Variants in PAAF1 observed in about 807,000 individuals in gnomAD.
PAAF1 encodes proteasomal ATPase-associated factor 1.
In PAAF1, 46 loss-of-function variants were observed where a neutral mutation model predicts 52.8. The ratio of observed to expected loss-of-function variants is 0.87; its 90% CI spans 0.69 to 1.11. PAAF1 has a LOEUF of 1.11. PAAF1 is among the 50% of genes most tolerant of loss of function. PAAF1 has a pLI of 0.00. For missense variants in PAAF1, 424 were observed against 477.4 expected (o/e 0.89, Z 1.04); for synonymous variants, 178 against 172.8 (o/e 1.03, Z -0.24).
chr11:73,903,835 G>A (rs1440138733), intron 6 of PAAF1, among the ~76,000 whole-genome samples: 1 of 151,336 alleles, frequency 6.6e-6, no homozygotes, highest in African/African-American at 2.4e-5. Flanking sequence ...TGTAATCCCA[G>A]TACTTTGGGA....
At chr11:73,901,330 G>A (rs2135178407) in intron 6 of PAAF1, among the ~76,000 whole-genome samples, 1 of 152,120 alleles carries the variant, frequency 6.6e-6, no homozygotes, top group East Asian at 1.9e-4. Context: ...GAGTTTTGTG[G>A]GGAAAAAATA....
chr11:73,895,403 A>T (rs1262558681), intron 4 of PAAF1, among the ~76,000 whole-genome samples: 2 of 152,234 alleles, frequency 1.3e-5, no homozygotes, highest in Admixed American at 1.3e-4. Flanking sequence ...TACCACCTGT[A>T]TCAGGACAGA....
intron 6 of PAAF1, among the ~76,000 whole-genome samples, chr11:73,908,255 A>ATGTATATATGTGTATATATG (rs535428239): frequency 1.4e-5 from 2 of 147,164 alleles, no homozygotes; most frequent in Non-Finnish European, 3.0e-5. Context: ...GTGTATATAT[A>ATGTATATATGTGTATATATG]TGTATATATG....
chr11:73,922,775 C>T (rs1950255970), intron 10 of PAAF1, among the ~76,000 whole-genome samples: 1 of 149,736 alleles, frequency 6.7e-6, no homozygotes, highest in Non-Finnish European at 1.5e-5. Flanking sequence ...CGAGATCGCG[C>T]CACTGCACTC....
intron 2 of PAAF1, 98 bp downstream of exon 2, chr11:73,878,917 AT>A: frequency 8.7e-7 from 1 of 1,155,194 alleles, no homozygotes; most frequent in Non-Finnish European, 1.3e-6. Context: ...GCCTCCTTAC[AT>A]AATAGTCTGC....
chr11:73,891,232 G>A (rs1361566832), intron 4 of PAAF1, 31 bp downstream of exon 4: 1 of 1,232,568 alleles, frequency 8.1e-7, no homozygotes, highest in African/African-American at 1.5e-5. Context: ...AAGAGAAAAT[G>A]TAATAGCATG....
intron 11 of PAAF1, among the ~76,000 whole-genome samples, chr11:73,926,696 A>G (rs1670539): frequency 0.32 from 48,859 of 152,002 alleles, 9,940 homozygotes; most frequent in African/African-American, 0.59. Flanking sequence ...GCGACGGAGC[A>G]AGAGTCTGTC....
chr11:73,894,615 AAAACTT>A (rs760558984), intron 4 of PAAF1, among the ~76,000 whole-genome samples: 29 of 152,046 alleles, frequency 1.9e-4, no homozygotes, highest in Admixed American at 3.9e-4. Context: ...CGTGTACCCT[AAAACTT>A]AAAGTATAAT....
At chr11:73,893,906 A>G (rs1006648033) in intron 4 of PAAF1, among the ~76,000 whole-genome samples, 3 of 152,078 alleles carry the variant, frequency 2.0e-5, no homozygotes, top group African/African-American at 7.2e-5. Flanking sequence ...AAAAAAATTA[A>G]AAGTTAGCCA....
In PAAF1 at chr11:73,877,079, G is replaced by C; in HGVS notation, c.47+11G>C. On this transcript the variant is annotated intron_variant, in intron 1 of 11. Transcript: ENST00000310571. ...GGCGCAAGCCCTCAGGTGAATCCAG[G>C]CCCAGAACAGAGTCAGAGGAGGCGG... 6.5e-7 allele frequency: 1 copy of C among 1,528,916 alleles called. No homozygotes were observed. Among genetic ancestry groups the C allele is most frequent in the Non-Finnish European group, 8.8e-7 (1 of 1,135,006 alleles). The allele number at this position is 1,528,916 out of a possible 1,614,324, so 94.7% of individuals were successfully genotyped here.
At chr11:73,881,084 C>A (rs1323563955) in intron 2 of PAAF1, among the ~76,000 whole-genome samples, 2 of 152,106 alleles carry the variant, frequency 1.3e-5, no homozygotes, top group Non-Finnish European at 2.9e-5. Context: ...CATTAAAATT[C>A]ACCTTCTCTT....
chr11:73,900,874 T>C (rs1026938578), intron 6 of PAAF1, among the ~76,000 whole-genome samples: 1 of 148,778 alleles, frequency 6.7e-6, no homozygotes, highest in Non-Finnish European at 1.5e-5. Context: ...CCCAGCTACT[T>C]GGGAGGCTGA....
chr11:73,906,802 C>T (rs1477636197), intron 6 of PAAF1, among the ~76,000 whole-genome samples: 1 of 152,136 alleles, frequency 6.6e-6, no homozygotes, highest in Non-Finnish European at 1.5e-5. Flanking sequence ...GAGTTTTTGT[C>T]AAGGTTTGTG....
chr11:73,912,112 C>T (rs1429628459), intron 7 of PAAF1, among the ~76,000 whole-genome samples: 2 of 152,104 alleles, frequency 1.3e-5, no homozygotes, highest in East Asian at 1.9e-4. Context: ...TTAAAGGTCT[C>T]CTTTTATGAA....
Position 73,896,698 on chromosome 11 carries a change from C to T in PAAF1, c.283-2448C>T, listed in dbSNP as rs1343946499. On this transcript the variant is annotated intron_variant, in intron 4 of 11. Transcript: ENST00000310571. ...AATGAAAAGTCTCCCATGTCTACCT[C>T]TTTCTACACAGACACGGCAACCATC... Among the ~76,000 whole-genome samples, 4 of 152,180 alleles carry T rather than the reference C, an allele frequency of 2.6e-5. No individual in the cohort carries two copies. In the South Asian group the frequency reaches 8.3e-4, roughly 31 times the overall value.
chr11:73,915,875 G>A (rs1950047722), intron 8 of PAAF1, among the ~76,000 whole-genome samples: 1 of 152,170 alleles, frequency 6.6e-6, no homozygotes, highest in African/African-American at 2.4e-5. Context: ...CATTTTCAAA[G>A]TTTGTTTCAG....
chr11:73,895,954 T>A (rs1327701715), intron 4 of PAAF1, among the ~76,000 whole-genome samples: 1 of 152,166 alleles, frequency 6.6e-6, no homozygotes, highest in Non-Finnish European at 1.5e-5. Context: ...AAAAAAAAGT[T>A]AAAAAATTAG....
chr11:73,876,996 G>A (rs1029179872), upstream of PAAF1: 2 of 1,522,864 alleles, frequency 1.3e-6, no homozygotes, highest in Non-Finnish European at 1.8e-6. Context: ...GGGCGGAAGA[G>A]GTGGGCTGGT....
chr11:73,918,925 AATTT>A, intron 9 of PAAF1, 21 bp from the exon 10 acceptor site: 1 of 1,595,734 alleles, frequency 6.3e-7, no homozygotes, highest in Non-Finnish European at 8.6e-7. Context: ...AAGAAAGTAA[AATTT>A]CCCCTTTCTC....
Sources: allele counts gnomAD v4.1 joint callset (sites outside exome capture counted in the v4.1 genomes callset), GRCh38; gene constraint gnomAD v4.1.1; transcripts MANE v1.5; gene names NCBI Gene and HGNC (gene_info 2026-07-23, HGNC 2026-07-21).